Variants in CNTLN observed in about 807,000 individuals in gnomAD.
CNTLN encodes the protein centlein, centrosomal protein.
A neutral mutation model predicts 180.0 loss-of-function variants in CNTLN; 212 were observed. The observed-to-expected ratio is 1.18, with a 90% CI of 1.05 to 1.32. The LOEUF (loss-of-function observed/expected upper bound fraction) is 1.32. Ranked by LOEUF, CNTLN falls within the 40% of genes most tolerant of loss-of-function variation. The pLI, the probability that CNTLN is intolerant of heterozygous loss-of-function variation, is 0.00. For missense variants in CNTLN, 2,095 were observed against 1,610.9 expected (o/e 1.30, Z -5.14); for synonymous variants, 722 against 563.1 (o/e 1.28, Z -3.99).
chr9:17,226,388 A>G (rs771748812), intron 3 of CNTLN, 101 bp downstream of exon 3: 18 of 573,216 alleles, frequency 3.1e-5, no homozygotes, highest in Non-Finnish European at 4.1e-5. Context: ...TATTGAGAAT[A>G]TCAGGGTCCT....
At chr9:17,395,384 G>T (rs1217528818) in intron 15 of CNTLN, among the ~76,000 whole-genome samples, 1 of 152,074 alleles carries the variant, frequency 6.6e-6, no homozygotes, top group Non-Finnish European at 1.5e-5. Context: ...GATTTAATCT[G>T]CTGGCCCTTT....
chr9:17,387,171 G>A (rs1825744168), intron 13 of CNTLN, among the ~76,000 whole-genome samples: 2 of 152,130 alleles, frequency 1.3e-5, no homozygotes, highest in South Asian at 4.2e-4. Flanking sequence ...ATACCAGGAG[G>A]ATTTCTACTC....
rs1823340854 is a variant in CNTLN, at chr9:17,211,855, TTGTC to T, written c.450-14344_450-14341del. ...GTTCACTCATGATTTGGCTCTCTGT[TTGTC>T]TGTTGTTGGTGTATAAGAATGCTTG... On this transcript the variant is annotated intron_variant, in intron 2 of 25. Transcript: ENST00000380647. Among the ~76,000 whole-genome samples, 3 of 152,218 alleles carry T rather than the reference TTGTC, an allele frequency of 2.0e-5. No individual in the cohort carries two copies. The South Asian group carries it at 6.2e-4, about 32-fold the overall frequency.
chr9:17,356,542 C>A (rs1263182961), intron 12 of CNTLN, among the ~76,000 whole-genome samples: 3 of 152,110 alleles, frequency 2.0e-5, no homozygotes, highest in Non-Finnish European at 1.5e-5. Flanking sequence ...GGCTTGGGAC[C>A]AGGTAAACCG....
chr9:17,147,394 T>C (rs1818528641), intron 2 of CNTLN, among the ~76,000 whole-genome samples: 1 of 152,154 alleles, frequency 6.6e-6, no homozygotes, highest in Non-Finnish European at 1.5e-5. Flanking sequence ...TTTTGGTGAA[T>C]GGTTTCTTAA....
At chr9:17,332,856 G>A (rs1339257739) in intron 10 of CNTLN, 126 bp downstream of exon 10, 5 of 505,878 alleles carry the variant, frequency 9.9e-6, no homozygotes, top group East Asian at 4.1e-5. Flanking sequence ...GTATAAAAGT[G>A]TATAATCAGT....
At chr9:17,193,595 A>G (rs1587085347) in intron 2 of CNTLN, among the ~76,000 whole-genome samples, 1 of 152,128 alleles carries the variant, frequency 6.6e-6, no homozygotes, top group South Asian at 2.1e-4. Context: ...GCAGCTCTGC[A>G]CCTGTGGCTT....
At chr9:17,291,591 G>T (rs7851692) in intron 6 of CNTLN, among the ~76,000 whole-genome samples, 2,094 of 152,140 alleles carry the variant, frequency 0.014, 49 homozygotes, top group African/African-American at 0.048. Flanking sequence ...ATCCCTGTTG[G>T]TTTAAAGTCT....
intron 7 of CNTLN, chr9:17,299,875 A>G (rs1587571159): frequency 8.7e-6 from 7 of 809,210 alleles, no homozygotes; most frequent in Non-Finnish European, 1.0e-5. Context: ...CTTCCATTGT[A>G]CTATAATTGG....
chr9:17,226,880 CA>C (rs1824501881), intron 3 of CNTLN, among the ~76,000 whole-genome samples: 1 of 151,650 alleles, frequency 6.6e-6, no homozygotes, highest in Non-Finnish European at 1.5e-5. Flanking sequence ...GAGAGAGAGA[CA>C]GGGCATGGTG....
At chr9:17,371,523 A>G (rs543558299) in intron 13 of CNTLN, among the ~76,000 whole-genome samples, 1 of 152,262 alleles carries the variant, frequency 6.6e-6, no homozygotes, top group Non-Finnish European at 1.5e-5. Flanking sequence ...TGATAGCTGC[A>G]GGCTTTAGTA....
At chr9:17,401,556 A>C (rs1411918313) in intron 15 of CNTLN, among the ~76,000 whole-genome samples, 1 of 149,374 alleles carries the variant, frequency 6.7e-6, no homozygotes, top group African/African-American at 2.5e-5. Context: ...AATTTTTTGT[A>C]GAGATGAGAT....
rs1293192245 is a variant in CNTLN, at chr9:17,189,210, G to A, written c.450-36993G>A. 2.0e-5 allele frequency among the ~76,000 whole-genome samples: 3 copies of A among 149,050 alleles called. No individual in the cohort carries two copies. In the East Asian group the frequency reaches 6.1e-4, roughly 30 times the overall value. ...CCATTCTCCTGCCTCAGCTTCTGGA[G>A]TAGCTGGGACTACAGCTGCCCGCCA... On this transcript the variant is annotated intron_variant, in intron 2 of 25. Coordinates refer to ENST00000380647, the MANE Select transcript of CNTLN (RefSeq NM_017738.4).
chr9:17,301,945 A>C, intron 7 of CNTLN: 1 of 933,910 alleles, frequency 1.1e-6, no homozygotes, highest in Non-Finnish European at 1.3e-6. Context: ...ACATATAACT[A>C]TTTTAGATGG....
Position 17,394,840 on chromosome 9 carries a change from G to A in CNTLN, c.2386G>A (p.Glu796Lys). Reference sequence around the variant, plus strand: ...AAATGAAGAGCTGATCAACCCAATGGAGAAATCACACCAGTCAGCAGACAG... The same window carrying A: ...AAATGAAGAGCTGATCAACCCAATGAAGAAATCACACCAGTCAGCAGACAG... Reference protein sequence around the residue: ...NENEELINPMEKSHQSADRAK... With the variant: ...NENEELINPMKKSHQSADRAK... The change falls in exon 15 of 26, where the codon GAG becomes AAG. Residue 796 changes from glutamate (E) to lysine (K), a missense_variant. Glu to Lys is a moderately conservative substitution (Grantham distance 56). Coordinates refer to ENST00000380647, the MANE Select transcript of CNTLN (RefSeq NM_017738.4). 1.2e-6 allele frequency: 2 copies of A among 1,613,894 alleles called. No homozygotes were observed. The highest frequency in any genetic ancestry group is 1.1e-5 in the South Asian group (1 of 91,066).
chr9:17,508,769 A>C (rs1344128319), downstream of CNTLN, among the ~76,000 whole-genome samples: 1 of 152,238 alleles, frequency 6.6e-6, no homozygotes, highest in East Asian at 1.9e-4. Flanking sequence ...ATTGCTGAGT[A>C]GCATCTCATT....
intron 13 of CNTLN, among the ~76,000 whole-genome samples, chr9:17,371,545 G>A (rs1223587448): frequency 2.0e-5 from 3 of 152,080 alleles, no homozygotes; most frequent in Non-Finnish European, 4.4e-5. Context: ...CCCACTTTCA[G>A]CATTGGACAG....
chr9:17,512,144 A>G, the CNTLN span, among the ~76,000 whole-genome samples: 2 of 152,324 alleles, frequency 1.3e-5, no homozygotes, highest in South Asian at 2.1e-4. Flanking sequence ...TAAAAGGCCA[A>G]CTAAGTCCAT....
At chr9:17,184,931 G>A (rs768803742) in intron 2 of CNTLN, among the ~76,000 whole-genome samples, 2 of 152,226 alleles carry the variant, frequency 1.3e-5, no homozygotes, top group Admixed American at 6.5e-5. Flanking sequence ...AGCAAATCTG[G>A]TATTTAAACT....
Sources: gnomAD v4.1 joint callset for allele counts (sites outside exome capture counted in the v4.1 genomes callset) on GRCh38, gnomAD v4.1.1 for gene constraint, MANE v1.5 for transcripts, NCBI Gene and HGNC (gene_info 2026-07-23, HGNC 2026-07-21) for gene names.